TMIE: variants seen among roughly 807,000 people sequenced by gnomAD.
The protein encoded by TMIE is transmembrane inner ear expressed protein.
Under a neutral mutation model 16.8 loss-of-function variants are expected in TMIE, and 14 were observed. That is an observed-to-expected ratio of 0.83 (90% CI 0.55 to 1.30). TMIE has a LOEUF of 1.30. TMIE is among the 50% of genes most tolerant of loss of function. The pLI, the probability that TMIE is intolerant of heterozygous loss-of-function variation, is 0.00. For missense variants in TMIE, 204 were observed against 205.9 expected, an observed-to-expected ratio of 0.99 and a Z score of 0.06; for synonymous variants, 75 against 87.2, an observed-to-expected ratio of 0.86 and a Z score of 0.78.
At chr3:46,709,019 G>A in intron 2 of TMIE, 107 bp from the exon 3 acceptor site, 1 of 1,436,604 alleles carries the variant, frequency 7.0e-7, no homozygotes, top group Non-Finnish European at 9.7e-7. Context: ...GGGTCTGGTG[G>A]GTGAGACACA....
chr3:46,701,211 C>A, upstream of TMIE: 28 of 309,928 alleles, frequency 9.0e-5, no homozygotes, highest in Non-Finnish European at 1.1e-4. The surrounding 1 kb of genome is among the most constrained non-coding windows in gnomAD (Gnocchi z 4.3). Context: ...TGTCCTCCCT[C>A]CCGCCCACCC....
Position 46,709,586 on chromosome 3 carries a change from GA to G in TMIE, c.371del (p.Lys124ArgfsTer18). The G allele has an allele frequency of 1.5e-5, 1 of 66,296 alleles. No individual in the cohort carries two copies. Among genetic ancestry groups the G allele is most frequent in the Non-Finnish European group, 1.9e-5 (1 of 54,008 alleles). The allele number at this position is 66,296 out of a possible 1,614,324, so 4.1% of individuals were successfully genotyped here. A position where few individuals can be genotyped will look rare whatever the true frequency, so the allele number is the denominator to read the frequency against. On this transcript the variant is annotated frameshift_variant, in exon 4 of 4. Coordinates refer to ENST00000643606, the MANE Select transcript of TMIE (RefSeq NM_147196.3). LOFTEE classifies it high-confidence loss of function. The stretch of plus-strand genomic sequence containing the variant: ...CTTCCCCCTGCCCCACAGAGGATAA[GA>G]AGAAGAAGAAGAAGAAGAAGAAGGA... ...ELTEVPGEDK[K>X]KKKKKKKDSV...
chr3:46,698,749 T>A (rs573995018), upstream of TMIE, among the ~76,000 whole-genome samples: 3 of 152,354 alleles, frequency 2.0e-5, no homozygotes, highest in Middle Eastern at 3.4e-3. Flanking sequence ...TACCAAAAAA[T>A]TTTTTGGAAA....
At chr3:46,696,846 G>T (rs1414181112), upstream of TMIE, among the ~76,000 whole-genome samples, 1 of 152,178 alleles carries the variant, frequency 6.6e-6, no homozygotes, top group Non-Finnish European at 1.5e-5. Context: ...GTATGGAGGG[G>T]ACACTGTCTT....
upstream of TMIE, among the ~76,000 whole-genome samples, chr3:46,700,601 T>C (rs989404193): frequency 6.6e-6 from 1 of 152,090 alleles, no homozygotes; most frequent in Admixed American, 6.6e-5. Flanking sequence ...CCACTCCTCT[T>C]CCTAAGTCTT....
At chr3:46,703,337 G>T (rs1377876357) in intron 1 of TMIE, among the ~76,000 whole-genome samples, 1 of 152,190 alleles carries the variant, frequency 6.6e-6, no homozygotes, top group East Asian at 1.9e-4. Flanking sequence ...CCACATCAGG[G>T]CTGGGGCAAG....
At chr3:46,697,101 G>A (rs901261664), upstream of TMIE, among the ~76,000 whole-genome samples, 3 of 148,100 alleles carry the variant, frequency 2.0e-5, no homozygotes, top group African/African-American at 7.8e-5. Flanking sequence ...CCTCAGAGAT[G>A]TAAAGTCCCT....
chr3:46,706,871 G>A (rs550582902), intron 2 of TMIE, among the ~76,000 whole-genome samples: 8 of 152,302 alleles, frequency 5.3e-5, no homozygotes, highest in Admixed American at 2.0e-4. Flanking sequence ...GCTGCACTTC[G>A]TCCCAGCCGG....
At chr3:46,702,062 AG>A (rs1325874464) in intron 1 of TMIE, among the ~76,000 whole-genome samples, 1 of 151,962 alleles carries the variant, frequency 6.6e-6, no homozygotes, top group Non-Finnish European at 1.5e-5. Context: ...TGTCTAATGG[AG>A]GGGGAGACAT....
At chr3:46,709,403 C>A in intron 3 of TMIE, 128 bp downstream of exon 3, 4 of 1,594,906 alleles carry the variant, frequency 2.5e-6, no homozygotes, top group Non-Finnish European at 3.4e-6. Context: ...CCCCTGGAGA[C>A]CAGAGCACAG....
Position 46,709,244 on chromosome 3 carries a change from A to G in TMIE, c.330A>G (p.Pro110=). ...KMYTDKLETV[P]PLNELTEVPG... is the part of the protein sequence containing the mutation. The stretch of plus-strand genomic sequence containing the variant: ...ACACAGACAAGCTGGAGACTGTGCC[A>G]CCCCTCAATGAGCTCACAGAAGTCC... Residue 110 remains proline, a synonymous_variant, in exon 3 of 4, where the codon CCA becomes CCG. Transcript: ENST00000643606. The G allele has an allele frequency of 6.2e-7, 1 of 1,614,030 alleles. No homozygotes were observed. The highest frequency in any genetic ancestry group is 8.5e-7 in the Non-Finnish European group (1 of 1,180,010).
chr3:46,697,454 T>C (rs1281546270), upstream of TMIE, among the ~76,000 whole-genome samples: 1 of 152,250 alleles, frequency 6.6e-6, no homozygotes, highest in Non-Finnish European at 1.5e-5. Context: ...GCTGAACGTG[T>C]GGAGGCTGGG....
In TMIE at chr3:46,701,403, G is replaced by T. The variant is rs1700473469; in HGVS notation, c.-85G>T. The T allele has an allele frequency of 8.7e-7, 1 of 1,150,050 alleles. No homozygotes were observed. The highest frequency in any genetic ancestry group is 1.2e-6 in the Non-Finnish European group (1 of 844,454). The allele number at this position is 1,150,050 out of a possible 1,614,324, so 71.2% of individuals were successfully genotyped here. On this transcript the variant is annotated 5_prime_UTR_variant, in exon 1 of 4. Transcript: ENST00000643606. The surrounding 1 kb of genome is among the most constrained non-coding windows in gnomAD (Gnocchi z 4.3). ...TGACTACCCGTGGCCAAAGCCCGTG[G>T]CCACCGAGCGCCGGCTGGCAGGGGC... is the stretch of plus-strand genomic sequence containing the variant.
intron 2 of TMIE, among the ~76,000 whole-genome samples, chr3:46,708,468 C>A (rs1353065539): frequency 1.3e-5 from 2 of 152,244 alleles, no homozygotes; most frequent in African/African-American, 4.8e-5. Flanking sequence ...CAGCCCTAAC[C>A]TGCCCTACCC....
chr3:46,697,875 G>A (rs759411332), upstream of TMIE, among the ~76,000 whole-genome samples: 1 of 152,082 alleles, frequency 6.6e-6, no homozygotes, highest in Non-Finnish European at 1.5e-5. Flanking sequence ...GTGGATGATT[G>A]TTGTTGTGTT....
At chr3:46,700,126 C>T (rs1393192268), upstream of TMIE, among the ~76,000 whole-genome samples, 1 of 152,226 alleles carries the variant, frequency 6.6e-6, no homozygotes. Context: ...TTCCTGTTTG[C>T]CTGGCCAGGG....
upstream of TMIE, among the ~76,000 whole-genome samples, chr3:46,697,766 G>A (rs1700423685): frequency 6.6e-6 from 1 of 152,080 alleles, no homozygotes; most frequent in African/African-American, 2.4e-5. Flanking sequence ...CTATCTCCGG[G>A]TAGATCATGT....
intron 2 of TMIE, 100 bp from the exon 3 acceptor site, chr3:46,709,026 C>A: frequency 6.7e-7 from 1 of 1,492,134 alleles, no homozygotes; most frequent in Non-Finnish European, 9.2e-7. Context: ...GTGGGTGAGA[C>A]ACATGTGGGT....
In TMIE at chr3:46,710,089, G is replaced by A; in HGVS notation, c.*401G>A. 1 of 339,162 alleles carries A rather than the reference G, an allele frequency of 2.9e-6. No individual in the cohort carries two copies. The highest frequency in any genetic ancestry group is 5.8e-6 in the Non-Finnish European group (1 of 172,450). 21.0% of individuals were successfully genotyped at this position (339,162 alleles called of 1,614,324 possible). A position where few individuals can be genotyped will look rare whatever the true frequency, so the allele number is the denominator to read the frequency against. On this transcript the variant is annotated 3_prime_UTR_variant, in exon 4 of 4. Transcript: ENST00000643606. The stretch of plus-strand genomic sequence containing the variant: ...CTTTCTGGCACGAAATGGCTGAAGT[G>A]CATGGGTCAGGGTGTGAGGCCACAC...
Sources: gnomAD v4.1 joint callset for allele counts (sites outside exome capture counted in the v4.1 genomes callset) on GRCh38, gnomAD v4.1.1 for gene constraint, Gnocchi (gnomAD v3.1) non-coding constraint, MANE v1.5 for transcripts, NCBI Gene and HGNC (gene_info 2026-07-23, HGNC 2026-07-21) for gene names.